Variants in TMEFF1 observed in about 807,000 individuals in gnomAD.
TMEFF1 encodes the protein transmembrane protein with EGF like and two follistatin like domains 1, also known as tomoregulin-1.
A neutral mutation model predicts 47.5 loss-of-function variants in TMEFF1; 20 were observed. The ratio of observed to expected loss-of-function variants is 0.42; its 90% CI spans 0.30 to 0.61. The LOEUF (loss-of-function observed/expected upper bound fraction) is 0.61, where lower values mean the gene tolerates loss of function less well. Ranked by LOEUF, TMEFF1 falls within the 20% of genes least tolerant of loss-of-function variation. TMEFF1 has a pLI of 0.19. For missense variants in TMEFF1, 411 were observed against 471.1 expected (o/e 0.87, Z 1.18); for synonymous variants, 162 against 166.3 (o/e 0.97, Z 0.20).
At chr9:100,561,606 A>G (rs553335678) in intron 8 of TMEFF1, 86 bp downstream of exon 8, 10 of 1,407,216 alleles carry the variant, frequency 7.1e-6, no homozygotes, top group Non-Finnish European at 8.4e-6. Flanking sequence ...TGTAGACTAA[A>G]TATTACCAGA....
chr9:100,546,634 T>A (rs886869598), intron 5 of TMEFF1, among the ~76,000 whole-genome samples: 1 of 152,240 alleles, frequency 6.6e-6, no homozygotes, highest in Non-Finnish European at 1.5e-5. Flanking sequence ...GCCTGTGTAC[T>A]TATAACTTCT....
In TMEFF1 at chr9:100,531,273, A is replaced by G. The variant is rs534496232; in HGVS notation, c.560+14502A>G. Among the ~76,000 whole-genome samples, 1,453 of 152,272 alleles carry G rather than the reference A, an allele frequency of 9.5e-3. 10 individuals carry two copies. The highest frequency in any genetic ancestry group is 0.017 in the Non-Finnish European group (1,189 of 68,024). On this transcript the variant is annotated intron_variant, in intron 5 of 9. Transcript: ENST00000374879. ...AGGAGAAGAAAATAAAGGGTATTCA[A>G]TTAGGAAAAGAGGAAGTCAAATTGT...
At chr9:100,524,706 CA>C (rs1838224349) in intron 5 of TMEFF1, among the ~76,000 whole-genome samples, 1 of 152,106 alleles carries the variant, frequency 6.6e-6, no homozygotes. Flanking sequence ...GTTCTTGCAG[CA>C]GGACATGGAG....
In TMEFF1 at chr9:100,492,522, A is replaced by G. The variant is rs143318858; in HGVS notation, c.197-6243A>G. ...AGTAGCCTTGAGAATTCATTGTGCC[A>G]TAGGCATTGCTCTGTAGGTTTTATA... On this transcript the variant is annotated intron_variant, in intron 1 of 9. Coordinates refer to ENST00000374879, the MANE Select transcript of TMEFF1 (RefSeq NM_003692.5). Among the ~76,000 whole-genome samples, 475 of 152,354 alleles carry G rather than the reference A, an allele frequency of 3.1e-3. 2 individuals carry two copies. The highest frequency in any genetic ancestry group is 0.011 in the African/African-American group (447 of 41,584).
intron 5 of TMEFF1, among the ~76,000 whole-genome samples, chr9:100,543,171 G>T (rs770110689): frequency 6.6e-6 from 1 of 151,934 alleles, no homozygotes; most frequent in Admixed American, 6.6e-5. Flanking sequence ...CAGGTGATTC[G>T]CCCACCTTGG....
intron 2 of TMEFF1, among the ~76,000 whole-genome samples, chr9:100,503,556 A>G (rs1417207738): frequency 6.6e-6 from 1 of 151,760 alleles, no homozygotes; most frequent in East Asian, 1.9e-4. Flanking sequence ...ACACACACAC[A>G]CACACACACA....
At chr9:100,573,375 T>C (rs967154133) in intron 9 of TMEFF1, among the ~76,000 whole-genome samples, 2 of 152,186 alleles carry the variant, frequency 1.3e-5, no homozygotes, top group African/African-American at 4.8e-5. Flanking sequence ...TAAATAAAAT[T>C]ATTCGTCATA....
rs1838077197 is a variant in TMEFF1 at position 100,516,530 on chromosome 9, A to G, written c.464-145A>G. ...GTACTGGCAACATTTTTGAACTTCA[A>G]GCATTGGTAGATTTTGGAAGTGACT... On this transcript the variant is annotated intron_variant, in intron 4 of 9. Transcript: ENST00000374879. The G allele has an allele frequency of 2.2e-5, 23 of 1,052,078 alleles. 1 individual carries two copies. In the South Asian group the frequency reaches 3.8e-4, roughly 17 times the overall value. The allele number at this position is 1,052,078 out of a possible 1,614,324, so 65.2% of individuals were successfully genotyped here. A position where few individuals can be genotyped will look rare whatever the true frequency, so the allele number is the denominator to read the frequency against.
chr9:100,495,486 G>A (rs564179859), intron 1 of TMEFF1, among the ~76,000 whole-genome samples: 96 of 152,154 alleles, frequency 6.3e-4, no homozygotes, highest in African/African-American at 2.1e-3. Flanking sequence ...GACGCATTTA[G>A]CCCCTTAATT....
At chr9:100,561,013 T>C (rs1275990427) in intron 7 of TMEFF1, among the ~76,000 whole-genome samples, 15 of 152,208 alleles carry the variant, frequency 9.9e-5, no homozygotes, top group Admixed American at 7.2e-4. Flanking sequence ...AATGATTAAG[T>C]TCATTCCCCA....
intron 5 of TMEFF1, among the ~76,000 whole-genome samples, chr9:100,521,922 T>C (rs1170046589): frequency 6.6e-6 from 1 of 152,234 alleles, no homozygotes; most frequent in Admixed American, 6.5e-5. Flanking sequence ...CAGAGAATCA[T>C]ACAGGTGCAG....
intron 5 of TMEFF1, among the ~76,000 whole-genome samples, chr9:100,526,956 A>T (rs1245686309): frequency 6.9e-5 from 4 of 57,794 alleles, no homozygotes; most frequent in African/African-American, 5.1e-4. Flanking sequence ...CTAAAAATAC[A>T]AAAAAAAAAA....
rs1837165291 is a variant in TMEFF1 at position 100,473,751 on chromosome 9, T to A, written c.196+11T>A. The A allele has an allele frequency of 6.7e-7, 1 of 1,501,144 alleles. No homozygotes were observed. The highest frequency in any genetic ancestry group is 1.4e-5 in the African/African-American group (1 of 70,052). 93.0% of individuals were successfully genotyped at this position (1,501,144 alleles called of 1,614,324 possible). A position where few individuals can be genotyped will look rare whatever the true frequency, so the allele number is the denominator to read the frequency against. On this transcript the variant is annotated intron_variant, in intron 1 of 9. Coordinates refer to ENST00000374879, the MANE Select transcript of TMEFF1 (RefSeq NM_003692.5). The surrounding 1 kb of genome is among the most constrained non-coding windows in gnomAD (Gnocchi z 5.4). ...GCATCAACTGCTCAGGTAGGACCGG[T>A]CGGAGCCGGCCCTAGGTCTTCCCAC...
intron 5 of TMEFF1, among the ~76,000 whole-genome samples, chr9:100,526,711 T>C (rs2118424449): frequency 6.6e-6 from 1 of 152,216 alleles, no homozygotes; most frequent in South Asian, 2.1e-4. Flanking sequence ...TCATTTGTAG[T>C]CAATGAGTTA....
rs753123446 is a variant in TMEFF1, at chr9:100,572,472, C to T, written c.900-46C>T. 4 of 1,474,738 alleles carry T rather than the reference C, an allele frequency of 2.7e-6. No homozygotes were observed. The East Asian group carries it at 7.2e-5, about 27-fold the overall frequency. The allele number at this position is 1,474,738 out of a possible 1,614,324, so 91.4% of individuals were successfully genotyped here. Reference sequence around the variant, plus strand: ...TTTTAATGTAAAAGCTTGGGAGTATCAAAATTTGTAATTTTCATAGGAATA... The same window carrying T: ...TTTTAATGTAAAAGCTTGGGAGTATTAAAATTTGTAATTTTCATAGGAATA... On this transcript the variant is annotated intron_variant, in intron 8 of 9. Coordinates refer to ENST00000374879, the MANE Select transcript of TMEFF1 (RefSeq NM_003692.5).
intron 5 of TMEFF1, among the ~76,000 whole-genome samples, chr9:100,519,432 A>AATAAATAC: frequency 6.6e-6 from 1 of 151,660 alleles, no homozygotes; most frequent in East Asian, 1.9e-4. Flanking sequence ...TAAATAAATA[A>AATAAATAC]ATAATAAAAA....
At chr9:100,538,144 C>T (rs1028959189) in intron 5 of TMEFF1, among the ~76,000 whole-genome samples, 6 of 152,092 alleles carry the variant, frequency 3.9e-5, no homozygotes, top group Non-Finnish European at 7.4e-5. Flanking sequence ...CCTCCGCCTC[C>T]TGGGTTCAAA....
At chr9:100,541,348 AT>A (rs34971752) in intron 5 of TMEFF1, among the ~76,000 whole-genome samples, 5,179 of 106,682 alleles carry the variant, frequency 0.049, 125 homozygotes, top group Non-Finnish European at 0.069. Context: ...TGGCAATTTC[AT>A]TTTTTTTTTT....
intron 1 of TMEFF1, among the ~76,000 whole-genome samples, chr9:100,479,837 C>A (rs929507924): frequency 6.6e-6 from 1 of 152,146 alleles, no homozygotes; most frequent in African/African-American, 2.4e-5. Flanking sequence ...CATTCATGGA[C>A]AAGTTTTTTG....
Sources: gnomAD v4.1 joint callset for allele counts (sites outside exome capture counted in the v4.1 genomes callset) on GRCh38, gnomAD v4.1.1 for gene constraint, Gnocchi (gnomAD v3.1) non-coding constraint, MANE v1.5 for transcripts, NCBI Gene and HGNC (gene_info 2026-07-23, HGNC 2026-07-21) for gene names.